C10orf67: variants seen among roughly 807,000 people sequenced by gnomAD.
The protein encoded by C10orf67 is uncharacterized protein C10orf67, mitochondrial.
In C10orf67, 60 loss-of-function variants were observed where a neutral mutation model predicts 35.6. That is an observed-to-expected ratio of 1.68 (90% CI 1.37 to 2.09). The LOEUF (loss-of-function observed/expected upper bound fraction) is 2.09, where lower values mean the gene tolerates loss of function less well. Among genes scored for constraint, C10orf67 ranks in the 30% most tolerant of loss-of-function variants. The probability of loss-of-function intolerance (pLI) is 0.00; values close to 1 mark genes in which losing one functional copy is unlikely to be tolerated. For synonymous variants in C10orf67, 167 were observed against 115.8 expected (o/e 1.44, Z -2.84); for missense variants, 474 against 330.2 (o/e 1.44, Z -3.38).
intron 8 of C10orf67, among the ~76,000 whole-genome samples, chr10:23,269,638 C>G (rs1164705593): frequency 6.6e-6 from 1 of 151,752 alleles, no homozygotes. Context: ...TATTTACTGT[C>G]TACAAGAGAA....
chr10:23,273,129 TAA>T (rs1460101707), intron 8 of C10orf67, among the ~76,000 whole-genome samples: 1 of 152,224 alleles, frequency 6.6e-6, no homozygotes, highest in Non-Finnish European at 1.5e-5. Context: ...TCTGGGAATT[TAA>T]AAAGTTCTAC....
chr10:23,259,331 T>C (rs1369576966), intron 10 of C10orf67, among the ~76,000 whole-genome samples: 1 of 152,236 alleles, frequency 6.6e-6, no homozygotes, highest in South Asian at 2.1e-4. Flanking sequence ...GGTTCTTATT[T>C]AGAGTTGATA....
At chr10:23,252,897 G>A (rs566363575) in intron 10 of C10orf67, among the ~76,000 whole-genome samples, 12 of 152,218 alleles carry the variant, frequency 7.9e-5, no homozygotes, top group African/African-American at 2.4e-4. Flanking sequence ...TAATTCCCAC[G>A]TGTTGTGGGA....
chr10:23,321,675 A>G (rs1481714455), intron 3 of C10orf67, among the ~76,000 whole-genome samples: 1 of 152,268 alleles, frequency 6.6e-6, no homozygotes, highest in Non-Finnish European at 1.5e-5. Flanking sequence ...AGATTTAAAG[A>G]GTAAATATAT....
chr10:23,319,466 A>G (rs1448042970), intron 4 of C10orf67, among the ~76,000 whole-genome samples: 1 of 152,176 alleles, frequency 6.6e-6, no homozygotes, highest in Non-Finnish European at 1.5e-5. Flanking sequence ...TGCAATGAAC[A>G]CACACATGCA....
At chr10:23,260,165 A>G (rs557967964) in intron 10 of C10orf67, among the ~76,000 whole-genome samples, 3 of 152,262 alleles carry the variant, frequency 2.0e-5, no homozygotes, top group African/African-American at 7.2e-5. Context: ...CATTACAAAC[A>G]GAGAAACGAA....
At chr10:23,289,127 T>C (rs1268429411) in intron 7 of C10orf67, among the ~76,000 whole-genome samples, 3 of 152,152 alleles carry the variant, frequency 2.0e-5, no homozygotes, top group African/African-American at 7.2e-5. Context: ...TTCAATTCAA[T>C]GAGCTAAGAA....
chr10:23,202,365 T>C (rs1444286632), downstream of C10orf67: 2 of 152,190 alleles, frequency 1.3e-5, no homozygotes, highest in African/African-American at 4.8e-5. Context: ...CTTGATATCC[T>C]CAAAAGACAA....
In C10orf67 at chr10:23,303,345, C is replaced by T; in HGVS notation, c.661G>A (p.Glu221Lys). 1 of 629,222 alleles carries T rather than the reference C, an allele frequency of 1.6e-6. No homozygotes were observed. The highest frequency in any genetic ancestry group is 1.9e-5 in the African/African-American group (1 of 53,538). The allele number at this position is 629,222 out of a possible 1,614,324, so 39.0% of individuals were successfully genotyped here. A position where few individuals can be genotyped will look rare whatever the true frequency, so the allele number is the denominator to read the frequency against. Residue 221 changes from glutamate to lysine, a missense_variant, in exon 5 of 16, where the codon GAA becomes AAA. Transcript: ENST00000636213. ...EKEEVIKELK[E>K]ELDQYKDFGF... ...AAATCTTTATATTGGTCTAGTTCTT[C>T]TTTTAATTCTTTAATAACTTCTTCT...
At chr10:23,245,757 A>G (rs1842301274) in intron 12 of C10orf67, among the ~76,000 whole-genome samples, 1 of 152,202 alleles carries the variant, frequency 6.6e-6, no homozygotes, top group Non-Finnish European at 1.5e-5. Context: ...TGTTGATGGG[A>G]ATGTAAATAG....
Position 23,307,787 on chromosome 10 carries a change from G to A in C10orf67, c.547-4328C>T, listed in dbSNP as rs549702192. Among the ~76,000 whole-genome samples, 24 of 151,878 alleles carry A rather than the reference G, an allele frequency of 1.6e-4. No individual in the cohort carries two copies. The South Asian group carries it at 4.6e-3, about 29-fold the overall frequency. On this transcript the variant is annotated intron_variant, in intron 4 of 15. Transcript: ENST00000636213. ...ACATACCACCATGCCTGGCTAATAT[G>A]TGTAATTTTTTTGCAGAGACAGGGC...
intron 10 of C10orf67, among the ~76,000 whole-genome samples, chr10:23,254,350 G>A (rs1194845738): frequency 6.6e-6 from 1 of 152,188 alleles, no homozygotes; most frequent in South Asian, 2.1e-4. Context: ...TGGGATTACA[G>A]GTGCCTGCCA....
chr10:23,232,295 A>G (rs1221406540), intron 13 of C10orf67, among the ~76,000 whole-genome samples: 1 of 152,222 alleles, frequency 6.6e-6, no homozygotes, highest in Non-Finnish European at 1.5e-5. Flanking sequence ...ACTTGACCCC[A>G]AATTAAGAGA....
intron 8 of C10orf67, among the ~76,000 whole-genome samples, chr10:23,267,668 G>A (rs1842919536): frequency 6.6e-6 from 1 of 152,210 alleles, no homozygotes; most frequent in African/African-American, 2.4e-5. Flanking sequence ...ACTTTGGGAG[G>A]CTGAGGCAGG....
chr10:23,322,378 A>G lies in C10orf67; in HGVS notation c.471+16T>C, dbSNP rs1205021161. The stretch of plus-strand genomic sequence containing the variant: ...TATCAATCCACATAAAACAAAAGAA[A>G]TAAGAGAACATTTACCTGTTGATAA... On this transcript the variant is annotated intron_variant, in intron 3 of 15. Transcript: ENST00000636213. 4 of 1,604,846 alleles carry G rather than the reference A, an allele frequency of 2.5e-6. No individual in the cohort carries two copies. Among genetic ancestry groups the G allele is most frequent in the Non-Finnish European group, 3.4e-6 (4 of 1,173,170 alleles).
rs546201888 is a variant in C10orf67, at chr10:23,211,373, T to G, written c.1571-7118A>C. On this transcript the variant is annotated intron_variant, in intron 15 of 15. Coordinates refer to ENST00000636213, the MANE Select transcript of C10orf67 (RefSeq NM_001371909.1). ...GTCCACCTGGAAGACCTTGGCTTAATTACATCTGCAGAGACTCTATTTCTA... is the reference window on the plus strand; with the variant it reads ...GTCCACCTGGAAGACCTTGGCTTAAGTACATCTGCAGAGACTCTATTTCTA... Among the ~76,000 whole-genome samples the G allele has an allele frequency of 1.8e-3, 271 of 152,208 alleles. 6 individuals are homozygous for G. The highest frequency in any genetic ancestry group is 0.018 in the Admixed American group (268 of 15,272).
At chr10:23,328,857 T>C (rs973217769) in intron 2 of C10orf67, among the ~76,000 whole-genome samples, 5 of 150,852 alleles carry the variant, frequency 3.3e-5, no homozygotes, top group African/African-American at 1.2e-4. Context: ...TGGTGGCATG[T>C]GCCTGTAGTT....
At chr10:23,310,628 C>CT (rs1194096145) in intron 4 of C10orf67, among the ~76,000 whole-genome samples, 1 of 152,170 alleles carries the variant, frequency 6.6e-6, no homozygotes, top group African/African-American at 2.4e-5. Context: ...CAGGCTTCTG[C>CT]CCCATCACCC....
chr10:23,248,716 G>T (rs1328615297), intron 12 of C10orf67, among the ~76,000 whole-genome samples: 59 of 152,112 alleles, frequency 3.9e-4, no homozygotes, highest in Admixed American at 3.9e-3. Context: ...ACTCGCTACG[G>T]TGCTGTATAT....
Sources: gnomAD v4.1 joint callset for allele counts (sites outside exome capture counted in the v4.1 genomes callset) on GRCh38, gnomAD v4.1.1 for gene constraint, MANE v1.5 for transcripts, NCBI Gene and HGNC (gene_info 2026-07-23, HGNC 2026-07-21) for gene names.